OSBPL8: variants seen among roughly 807,000 people sequenced by gnomAD.
The protein encoded by OSBPL8 is oxysterol-binding protein-related protein 8.
OSBPL8 carries 59 observed loss-of-function variants against 125.5 expected under a neutral mutation model. The observed-to-expected ratio is 0.47, with a 90% CI of 0.38 to 0.58. OSBPL8 has a LOEUF of 0.58. Among genes scored for constraint, OSBPL8 ranks in the 20% least tolerant of loss-of-function variants. The pLI is 0.00. For missense variants in OSBPL8, 758 were observed against 1,047.8 expected (o/e 0.72, Z 3.82); for synonymous variants, 330 against 338.9 (o/e 0.97, Z 0.29).
At chr12:76,475,843 A>T (rs1456939491) in intron 2 of OSBPL8, among the ~76,000 whole-genome samples, 1 of 152,224 alleles carries the variant, frequency 6.6e-6, no homozygotes, top group African/African-American at 2.4e-5. Flanking sequence ...TTTTACTATG[A>T]GCACAAAACA....
chr12:76,512,296 A>C (rs1881081282), intron 1 of OSBPL8, among the ~76,000 whole-genome samples: 1 of 152,228 alleles, frequency 6.6e-6, no homozygotes, highest in Non-Finnish European at 1.5e-5. Context: ...CTCACAAAAG[A>C]CATGATCTAG....
At chr12:76,489,582 TA>T (rs1878500614) in intron 1 of OSBPL8, among the ~76,000 whole-genome samples, 1 of 152,268 alleles carries the variant, frequency 6.6e-6, no homozygotes, top group African/African-American at 2.4e-5. Context: ...CATGGTTTAC[TA>T]AAATTTTAAG....
chr12:76,369,312 G>GGA lies in OSBPL8; in HGVS notation c.2241-12_2241-11insTC, dbSNP rs555424353. ...TCCCATGGTCGGGTACTACATAAAT[G>GGA]AAAAAAAAAAAAACCATTTGCTCAA... On this transcript the variant is annotated splice_polypyrimidine_tract_variant and intron_variant, in intron 20 of 23. Coordinates refer to ENST00000261183, the MANE Select transcript of OSBPL8 (RefSeq NM_020841.5). 3.5e-5 allele frequency: 50 copies of GGA among 1,409,810 alleles called. No individual in the cohort carries two copies. In the East Asian group the frequency reaches 1.3e-3, roughly 36 times the overall value. 87.3% of individuals were successfully genotyped at this position (1,409,810 alleles called of 1,614,324 possible).
intron 9 of OSBPL8, among the ~76,000 whole-genome samples, chr12:76,393,493 G>A (rs1276723869): frequency 3.3e-5 from 5 of 151,496 alleles, no homozygotes; most frequent in Non-Finnish European, 7.4e-5. Context: ...GGCGGATCAC[G>A]AGGTCAGGAG....
intron 21 of OSBPL8, among the ~76,000 whole-genome samples, chr12:76,368,337 A>C (rs2136183754): frequency 6.6e-6 from 1 of 151,444 alleles, no homozygotes; most frequent in East Asian, 1.9e-4. Context: ...TGATTTTAAG[A>C]CTCTCTTTGG....
chr12:76,359,594 TAA>T (rs1279902854), intron 21 of OSBPL8, among the ~76,000 whole-genome samples: 1 of 152,220 alleles, frequency 6.6e-6, no homozygotes, highest in Non-Finnish European at 1.5e-5. Context: ...ATGCTCCTGA[TAA>T]AGACATTCCC....
At chr12:76,493,692 C>T (rs1237909007) in intron 1 of OSBPL8, among the ~76,000 whole-genome samples, 1 of 152,076 alleles carries the variant, frequency 6.6e-6, no homozygotes, top group African/African-American at 2.4e-5. Context: ...GATATGTCTT[C>T]TTTGGGTTGA....
intron 1 of OSBPL8, among the ~76,000 whole-genome samples, chr12:76,499,304 C>CTATCTA (rs1555231512): frequency 1.6e-5 from 2 of 127,986 alleles, no homozygotes; most frequent in Non-Finnish European, 1.7e-5. Context: ...ACTTAATAAA[C>CTATCTA]TCTATCTATC....
intron 18 of OSBPL8, among the ~76,000 whole-genome samples, chr12:76,372,642 C>G (rs1952663101): frequency 6.6e-6 from 1 of 152,166 alleles, no homozygotes; most frequent in African/African-American, 2.4e-5. Context: ...CTGCTTACTG[C>G]ATGCAGAAAG....
intron 4 of OSBPL8, among the ~76,000 whole-genome samples, chr12:76,447,655 T>C (rs1872868835): frequency 6.6e-6 from 1 of 152,090 alleles, no homozygotes; most frequent in Non-Finnish European, 1.5e-5. Flanking sequence ...GTGATTCCCC[T>C]GCCTCAGCCT....
chr12:76,479,683 T>C (rs1877239015), intron 2 of OSBPL8, among the ~76,000 whole-genome samples: 1 of 152,158 alleles, frequency 6.6e-6, no homozygotes, highest in Non-Finnish European at 1.5e-5. Context: ...GCAGGAAATA[T>C]AAGGGACTGA....
chr12:76,389,612 AT>A (rs765700681), intron 12 of OSBPL8, 32 bp downstream of exon 12: 1 of 1,434,088 alleles, frequency 7.0e-7, no homozygotes, highest in Non-Finnish European at 9.4e-7. Flanking sequence ...ATCATGAAGT[AT>A]TGTCTATTTT....
At chr12:76,518,766 C>T (rs947443439) in intron 1 of OSBPL8, among the ~76,000 whole-genome samples, 4 of 152,204 alleles carry the variant, frequency 2.6e-5, no homozygotes, top group African/African-American at 9.6e-5. Context: ...CAAGCTGTAC[C>T]TGGGCCCCTT....
At chr12:76,369,903 T>C in intron 19 of OSBPL8, 81 bp from the exon 20 acceptor site, 1 of 1,283,322 alleles carries the variant, frequency 7.8e-7, no homozygotes, top group Non-Finnish European at 1.1e-6. Context: ...TCAAATCCCT[T>C]GTAGAGAAAA....
intron 16 of OSBPL8, among the ~76,000 whole-genome samples, chr12:76,377,140 G>A (rs776254906): frequency 2.0e-4 from 30 of 152,190 alleles, no homozygotes; most frequent in Non-Finnish European, 3.5e-4. Flanking sequence ...GTTCCATGGT[G>A]TGTATGTGCC....
chr12:76,542,239 A>C (rs1175242113), intron 1 of OSBPL8, among the ~76,000 whole-genome samples: 1 of 151,856 alleles, frequency 6.6e-6, no homozygotes, highest in Non-Finnish European at 1.5e-5. Context: ...CCCTTTAAAG[A>C]CTCTCCAGTA....
intron 7 of OSBPL8, 57 bp from the exon 8 acceptor site, chr12:76,397,954 A>G (rs1410011653): frequency 7.1e-7 from 1 of 1,399,438 alleles, no homozygotes; most frequent in Non-Finnish European, 1.0e-6. Flanking sequence ...GGTCCAAACG[A>G]AAATACTGCA....
intron 13 of OSBPL8, 86 bp downstream of exon 13, chr12:76,386,493 C>T: frequency 7.4e-7 from 1 of 1,349,950 alleles, no homozygotes; most frequent in Non-Finnish European, 1.0e-6. Context: ...AGTAATGTAA[C>T]TGTTAACACA....
chr12:76,472,275 A>G (rs1235009031), intron 2 of OSBPL8, among the ~76,000 whole-genome samples: 1 of 152,190 alleles, frequency 6.6e-6, no homozygotes, highest in African/African-American at 2.4e-5. Context: ...GGTCTTTAGT[A>G]TCTTCCTGAA....
Sources: gnomAD v4.1 joint callset for allele counts (sites outside exome capture counted in the v4.1 genomes callset) on GRCh38, gnomAD v4.1.1 for gene constraint, MANE v1.5 for transcripts, NCBI Gene and HGNC (gene_info 2026-07-23, HGNC 2026-07-21) for gene names.